KCNIP4: variants seen among roughly 807,000 people sequenced by gnomAD.
The protein encoded by KCNIP4 is potassium voltage-gated channel interacting protein 4, also known as Kv channel-interacting protein 4.
KCNIP4 carries 12 observed loss-of-function variants against 34.0 expected under a neutral mutation model. The observed-to-expected ratio is 0.35, with a 90% CI of 0.23 to 0.57. The LOEUF (loss-of-function observed/expected upper bound fraction) is 0.57, where lower values mean the gene tolerates loss of function less well. Among genes scored for constraint, KCNIP4 ranks in the 20% least tolerant of loss-of-function variants. The pLI is 0.83. For missense variants in KCNIP4, 238 were observed against 311.7 expected (o/e 0.76, Z 1.78); for synonymous variants, 124 against 102.2 (o/e 1.21, Z -1.29).
chr4:21,023,749 G>A (rs1425192065), intron 1 of KCNIP4, among the ~76,000 whole-genome samples: 1 of 152,030 alleles, frequency 6.6e-6, no homozygotes, highest in Non-Finnish European at 1.5e-5. Context: ...AGGCATGGTG[G>A]TGCACGCCTG....
At chr4:21,273,669 AAATTGC>A (rs1168022678) in intron 1 of KCNIP4, among the ~76,000 whole-genome samples, 1 of 152,178 alleles carries the variant, frequency 6.6e-6, no homozygotes, top group Non-Finnish European at 1.5e-5. Context: ...TTATCTCTCC[AAATTGC>A]AGAGCTTCTA....
At chr4:20,803,181 G>T (rs1368103912) in intron 3 of KCNIP4, among the ~76,000 whole-genome samples, 1 of 149,734 alleles carries the variant, frequency 6.7e-6, no homozygotes, top group Non-Finnish European at 1.5e-5. Flanking sequence ...AAAATTTATT[G>T]CAATAAATGC....
intron 1 of KCNIP4, among the ~76,000 whole-genome samples, chr4:21,432,091 CATATATATATATATATAT>C (rs71655634): frequency 0.027 from 969 of 36,410 alleles, 74 homozygotes; most frequent in African/African-American, 0.059. Context: ...AAAATGGAAG[CATATATATATATATATAT>C]ATATATATAT....
chr4:21,132,734 C>T (rs567522937), intron 1 of KCNIP4, among the ~76,000 whole-genome samples: 1 of 151,950 alleles, frequency 6.6e-6, no homozygotes, highest in Admixed American at 6.6e-5. Flanking sequence ...TGCGGCCAGG[C>T]ACGGTGGCTC....
chr4:21,706,644 A>AGTT (rs1560648224), intron 1 of KCNIP4, among the ~76,000 whole-genome samples: 2 of 152,152 alleles, frequency 1.3e-5, no homozygotes, highest in African/African-American at 4.8e-5. Flanking sequence ...AAGGGAAGAA[A>AGTT]GTTGGCTTCT....
At chr4:20,793,414 A>T (rs578213581) in intron 3 of KCNIP4, among the ~76,000 whole-genome samples, 1 of 152,312 alleles carries the variant, frequency 6.6e-6, no homozygotes, top group African/African-American at 2.4e-5. Context: ...GAAGGGAACT[A>T]AGGAAAGATT....
At chr4:21,878,600 T>C (rs1025012048) in intron 1 of KCNIP4, among the ~76,000 whole-genome samples, 2 of 152,236 alleles carry the variant, frequency 1.3e-5, no homozygotes, top group African/African-American at 2.4e-5. Flanking sequence ...AAGATGACAA[T>C]GAGCAATGCT....
intron 1 of KCNIP4, among the ~76,000 whole-genome samples, chr4:21,892,854 T>G (rs1395838225): frequency 6.6e-6 from 1 of 152,132 alleles, no homozygotes; most frequent in Non-Finnish European, 1.5e-5. Context: ...CCCACTACCC[T>G]ACAGATTTTG....
intron 1 of KCNIP4, among the ~76,000 whole-genome samples, chr4:21,418,014 G>A (rs1258365495): frequency 6.6e-6 from 1 of 152,174 alleles, no homozygotes; most frequent in Non-Finnish European, 1.5e-5. Flanking sequence ...GGGCCTCCAT[G>A]CAGAAACTCA....
intron 1 of KCNIP4, among the ~76,000 whole-genome samples, chr4:21,400,842 AT>A (rs1351329398): frequency 6.6e-6 from 1 of 152,138 alleles, no homozygotes; most frequent in East Asian, 1.9e-4. Flanking sequence ...GTAACTGGTG[AT>A]AGTTGCAGAT....
At chr4:21,799,845 T>C (rs1720877533) in intron 1 of KCNIP4, among the ~76,000 whole-genome samples, 1 of 152,186 alleles carries the variant, frequency 6.6e-6, no homozygotes, top group Non-Finnish European at 1.5e-5. Flanking sequence ...CTTATATTTG[T>C]AAATAAATCT....
chr4:21,010,440 T>A (rs1249198451), intron 1 of KCNIP4, among the ~76,000 whole-genome samples: 2 of 152,214 alleles, frequency 1.3e-5, no homozygotes, highest in Non-Finnish European at 2.9e-5. Context: ...GCACCTTTTT[T>A]TAATTCCCCA....
intron 1 of KCNIP4, among the ~76,000 whole-genome samples, chr4:20,933,704 T>G (rs1448595023): frequency 6.6e-6 from 1 of 151,866 alleles, no homozygotes; most frequent in Admixed American, 6.6e-5. Flanking sequence ...CATTTCCTTC[T>G]TTTGCCATAA....
chr4:21,606,185 C>T (rs113728381), intron 1 of KCNIP4, among the ~76,000 whole-genome samples: 9 of 152,226 alleles, frequency 5.9e-5, no homozygotes, highest in African/African-American at 2.2e-4. Flanking sequence ...ATATTTCTGG[C>T]AATGGCAGCT....
intron 1 of KCNIP4, among the ~76,000 whole-genome samples, chr4:21,120,858 T>C (rs1342414266): frequency 2.6e-5 from 4 of 152,190 alleles, no homozygotes; most frequent in African/African-American, 4.8e-5. Flanking sequence ...ATGACTTCAA[T>C]TAATCTTACA....
chr4:21,647,975 G>A (rs542178498), intron 1 of KCNIP4, among the ~76,000 whole-genome samples: 181 of 138,724 alleles, frequency 1.3e-3, no homozygotes, highest in Non-Finnish European at 2.0e-3. Flanking sequence ...CCGGGTTCAC[G>A]CCATTCTCCT....
intron 1 of KCNIP4, among the ~76,000 whole-genome samples, chr4:20,913,867 C>T (rs1018723545): frequency 2.6e-5 from 4 of 152,122 alleles, no homozygotes; most frequent in East Asian, 1.9e-4. Context: ...GAAACAGTAC[C>T]AGGCATGGCC....
rs992589042 is a variant in KCNIP4 at position 20,731,761 on chromosome 4, C to T, written c.705+245G>A. Reference sequence around the variant, plus strand: ...TCTCTAAGGAATTTGGGAATCAACACAGTACATGTACAACTTTTGTATCCC... The same window carrying T: ...TCTCTAAGGAATTTGGGAATCAACATAGTACATGTACAACTTTTGTATCCC... On this transcript the variant is annotated intron_variant, in intron 8 of 8. Transcript: ENST00000382152. 7 of 985,294 alleles carry T rather than the reference C, an allele frequency of 7.1e-6. No individual in the cohort carries two copies. The African/African-American group carries it at 1.0e-4, about 15-fold the overall frequency. 61.0% of individuals were successfully genotyped at this position (985,294 alleles called of 1,614,324 possible).
At chr4:20,988,216 G>A (rs1046411235) in intron 1 of KCNIP4, among the ~76,000 whole-genome samples, 1 of 151,954 alleles carries the variant, frequency 6.6e-6, no homozygotes, top group Non-Finnish European at 1.5e-5. Flanking sequence ...CTCACTCTCA[G>A]GCCCCTCTGC....
Sources: allele counts gnomAD v4.1 joint callset (sites outside exome capture counted in the v4.1 genomes callset), GRCh38; gene constraint gnomAD v4.1.1; transcripts MANE v1.5; gene names NCBI Gene and HGNC (gene_info 2026-07-23, HGNC 2026-07-21).